ZNF248: variants seen among roughly 807,000 people sequenced by gnomAD.
ZNF248 encodes the protein zinc finger protein 248.
ZNF248 carries 20 observed loss-of-function variants against 44.3 expected under a neutral mutation model. That is an observed-to-expected ratio of 0.45 (90% confidence interval 0.32 to 0.66). ZNF248 has a LOEUF of 0.66. Among genes scored for constraint, ZNF248 ranks in the 30% least tolerant of loss-of-function variants. ZNF248 has a pLI of 0.04. For missense variants in ZNF248, 654 were observed against 677.0 expected (o/e 0.97, Z 0.38); for synonymous variants, 224 against 229.0 (o/e 0.98, Z 0.20).
At position 37,830,549 on chromosome 10, in the gene ZNF248, T is replaced by C. The variant is rs959435734; in HGVS notation, c.*1066A>G. On this transcript the variant is annotated 3_prime_UTR_variant, in exon 6 of 6. Coordinates refer to ENST00000395867, the MANE Select transcript of ZNF248 (RefSeq NM_021045.3). ...AGCTGTAAATGGCCATAGCCATTTA[T>C]TTATGTCAGGAAATAGAAGGGGTAT... The C allele has an allele frequency of 1.0e-6, 1 of 985,344 alleles. No homozygotes were observed. Among genetic ancestry groups the C allele is most frequent in the Non-Finnish European group, 1.2e-6 (1 of 829,926 alleles). 61.0% of individuals were successfully genotyped at this position (985,344 alleles called of 1,614,324 possible). A position where few individuals can be genotyped will look rare whatever the true frequency, so the allele number is the denominator to read the frequency against.
chr10:37,851,039 A>G (rs562638093), intron 3 of ZNF248, among the ~76,000 whole-genome samples: 2 of 152,268 alleles, frequency 1.3e-5, no homozygotes, highest in South Asian at 2.1e-4. Flanking sequence ...TGCAAACCAC[A>G]TATCTGACAA....
At chr10:37,795,875 A>G (rs1298823568) in intron 6 of ZNF248, 1 of 152,170 alleles carries the variant, frequency 6.6e-6, no homozygotes, top group African/African-American at 2.4e-5. Flanking sequence ...TTTATGATTA[A>G]TCATTATTTT....
intron 3 of ZNF248, among the ~76,000 whole-genome samples, chr10:37,845,620 T>A (rs1209506510): frequency 4.6e-5 from 7 of 151,834 alleles, no homozygotes; most frequent in Admixed American, 2.6e-4. Context: ...ATAAACAGAG[T>A]AATGACAAAC....
At chr10:37,812,968 A>G (rs1208699) in intron 6 of ZNF248, among the ~76,000 whole-genome samples, 8,862 of 151,666 alleles carry the variant, frequency 0.058, 337 homozygotes, top group Middle Eastern at 0.092. Flanking sequence ...GACTTCACAG[A>G]ATTTATGACA....
At chr10:37,828,350 C>G (rs948654623), downstream of ZNF248, among the ~76,000 whole-genome samples, 7 of 152,140 alleles carry the variant, frequency 4.6e-5, no homozygotes, top group African/African-American at 1.7e-4. Context: ...CTTTATGGCG[C>G]TTATCATAGC....
intron 3 of ZNF248, among the ~76,000 whole-genome samples, chr10:37,850,427 A>T (rs1410886831): frequency 6.6e-6 from 1 of 152,264 alleles, no homozygotes. Context: ...AAGGATTTTT[A>T]TAAGCACAGA....
intron 4 of ZNF248, 99 bp downstream of exon 4, chr10:37,837,886 C>T: frequency 3.3e-6 from 5 of 1,503,916 alleles, no homozygotes; most frequent in Non-Finnish European, 4.5e-6. Context: ...GATCAGTCAT[C>T]TCAGAGCCTT....
intron 3 of ZNF248, among the ~76,000 whole-genome samples, chr10:37,839,628 A>G (rs1046770254): frequency 1.3e-5 from 2 of 152,196 alleles, no homozygotes; most frequent in South Asian, 4.1e-4. Context: ...TAAAGAAGAC[A>G]TAATCTGAAA....
intron 6 of ZNF248, chr10:37,795,714 T>C (rs1486208744): frequency 6.6e-6 from 1 of 152,202 alleles, no homozygotes; most frequent in Non-Finnish European, 1.5e-5. Context: ...ATCACATTCA[T>C]GAGGCACCTT....
At position 37,831,292 on chromosome 10, in the gene ZNF248, T is replaced by C. The variant is rs2055556948; in HGVS notation, c.*323A>G. 6.5e-7 allele frequency: 1 copy of C among 1,549,708 alleles called. No homozygotes were observed. On this transcript the variant is annotated 3_prime_UTR_variant, in exon 6 of 6. Coordinates refer to ENST00000395867, the MANE Select transcript of ZNF248 (RefSeq NM_021045.3). ...ATGTTTAATGCTGCTGTCATTCAAC[T>C]TTTATAAGCTTCAGATTCCACTGTG...
chr10:37,759,018 CT>C, the ZNF248 span, among the ~76,000 whole-genome samples: 3 of 152,264 alleles, frequency 2.0e-5, no homozygotes, highest in African/African-American at 7.2e-5. Context: ...AAGGAGACCA[CT>C]AGGCAAGGAA....
intron 3 of ZNF248, among the ~76,000 whole-genome samples, chr10:37,849,694 A>T (rs539842119): frequency 2.0e-5 from 3 of 152,290 alleles, no homozygotes; most frequent in Admixed American, 1.3e-4. Flanking sequence ...CAAAAAAAAA[A>T]AATTTTTCAA....
the ZNF248 span, among the ~76,000 whole-genome samples, chr10:37,761,694 G>A: frequency 6.6e-6 from 1 of 152,156 alleles, no homozygotes; most frequent in Admixed American, 6.5e-5. Flanking sequence ...AGCTACCCAT[G>A]ATCAATTTTT....
intron 3 of ZNF248, among the ~76,000 whole-genome samples, chr10:37,846,949 T>TA (rs2059423455): frequency 2.0e-5 from 3 of 152,286 alleles, no homozygotes; most frequent in African/African-American, 7.2e-5. Context: ...TTAACAAATG[T>TA]AAAAAAATGC....
chr10:37,773,822 A>G (rs1031431516), downstream of ZNF248, among the ~76,000 whole-genome samples: 2 of 152,152 alleles, frequency 1.3e-5, no homozygotes, highest in South Asian at 2.1e-4. Flanking sequence ...CCTATCTCCA[A>G]TACAGTCACA....
chr10:37,766,051 C>T, the ZNF248 span, among the ~76,000 whole-genome samples: 59 of 152,344 alleles, frequency 3.9e-4, no homozygotes, highest in Admixed American at 1.6e-3. Context: ...GTGGCAGCAA[C>T]GCTGCGGGAG....
At chr10:37,826,659 A>G (rs929327135), downstream of ZNF248, among the ~76,000 whole-genome samples, 12 of 152,356 alleles carry the variant, frequency 7.9e-5, no homozygotes, top group South Asian at 6.2e-4. Context: ...CATACGTAAT[A>G]GTAGTATCAA....
chr10:37,779,667 C>A (rs908859995), intron 6 of ZNF248, among the ~76,000 whole-genome samples: 12 of 151,862 alleles, frequency 7.9e-5, no homozygotes, highest in South Asian at 6.2e-4. Flanking sequence ...CTGGCCAGGG[C>A]AATTAGGCAG....
intron 6 of ZNF248, among the ~76,000 whole-genome samples, chr10:37,798,677 A>G (rs1328230926): frequency 6.6e-6 from 1 of 152,156 alleles, no homozygotes; most frequent in Admixed American, 6.6e-5. Flanking sequence ...ACATATATGT[A>G]TACACATATA....
Sources: allele counts gnomAD v4.1 joint callset (sites outside exome capture counted in the v4.1 genomes callset), GRCh38; gene constraint gnomAD v4.1.1; transcripts MANE v1.5; gene names NCBI Gene and HGNC (gene_info 2026-07-23, HGNC 2026-07-21).